DAB1: variants seen among roughly 807,000 people sequenced by gnomAD.
DAB1 encodes disabled homolog 1.
DAB1 carries 15 observed loss-of-function variants against 64.6 expected under a neutral mutation model. The observed-to-expected ratio is 0.23, with a 90% CI of 0.16 to 0.36. The LOEUF is 0.36. DAB1 is among the 10% of genes least tolerant of loss of function. DAB1 has a pLI of 1.00. For synonymous variants in DAB1, 235 were observed against 251.9 expected (o/e 0.93, Z 0.64); for missense variants, 596 against 706.7 (o/e 0.84, Z 1.78).
intron 4 of DAB1, among the ~76,000 whole-genome samples, chr1:58,247,296 A>C (rs1232046411): frequency 6.8e-6 from 1 of 147,844 alleles, no homozygotes; most frequent in African/African-American, 2.5e-5. Context: ...TAAATAATAC[A>C]TGACTGTAGA....
intron 1 of DAB1, among the ~76,000 whole-genome samples, chr1:57,367,693 G>A (rs569653215): frequency 2.2e-4 from 33 of 152,288 alleles, no homozygotes; most frequent in South Asian, 8.3e-4. Context: ...TCCACACTCC[G>A]TGGAGCTGGC....
At position 58,020,270 on chromosome 1, in the gene DAB1, T is replaced by C. The variant is rs1320494974; in HGVS notation, n.387+130241A>G. Among the ~76,000 whole-genome samples the C allele has an allele frequency of 3.3e-5, 5 of 152,302 alleles. No homozygotes were observed. The East Asian group carries it at 5.8e-4, about 18-fold the overall frequency. On this transcript the variant is annotated intron_variant and non_coding_transcript_variant, in intron 5 of 20. Transcript: ENST00000485760. ...AGCTCTCTTCTTTTTACTTCATGTGTTCAAGGAAGTGCTTAAATACCTGAA... is the reference window on the plus strand; with the variant it reads ...AGCTCTCTTCTTTTTACTTCATGTGCTCAAGGAAGTGCTTAAATACCTGAA...
intron 1 of DAB1, among the ~76,000 whole-genome samples, chr1:57,423,684 TG>T (rs1685108351): frequency 1.3e-5 from 2 of 151,252 alleles, no homozygotes; most frequent in South Asian, 4.2e-4. Flanking sequence ...GGCGCGGGGA[TG>T]GGGGGCAGGA....
intron 3 of DAB1, among the ~76,000 whole-genome samples, chr1:58,440,661 G>C (rs1381987962): frequency 1.3e-5 from 2 of 152,186 alleles, no homozygotes; most frequent in Non-Finnish European, 2.9e-5. Context: ...CAGACACATA[G>C]CTAATATTTG....
intron 1 of DAB1, among the ~76,000 whole-genome samples, chr1:57,341,950 T>G (rs759178369): frequency 6.6e-6 from 1 of 152,234 alleles, no homozygotes; most frequent in Non-Finnish European, 1.5e-5. Context: ...ATTGCCAACA[T>G]TGTCTGGTAC....
At chr1:57,391,812 C>CACAGAG (rs1553176656) in intron 1 of DAB1, among the ~76,000 whole-genome samples, 8 of 141,686 alleles carry the variant, frequency 5.6e-5, no homozygotes, top group African/African-American at 2.1e-4. Flanking sequence ...CACACACACA[C>CACAGAG]AGAGAGAGGA....
At chr1:57,892,693 C>T (rs547639546) in intron 5 of DAB1, among the ~76,000 whole-genome samples, 2 of 152,294 alleles carry the variant, frequency 1.3e-5, no homozygotes, top group East Asian at 1.9e-4. Flanking sequence ...TATTCTAACA[C>T]GTACAATACA....
chr1:57,157,976 G>A (rs987785666), intron 2 of DAB1, among the ~76,000 whole-genome samples: 1 of 152,182 alleles, frequency 6.6e-6, no homozygotes, highest in Non-Finnish European at 1.5e-5. Context: ...GCTAAGGAGG[G>A]CGTAGCTGCC....
At chr1:57,906,937 CAGATAGATAGATAGAT>C (rs5774378) in intron 5 of DAB1, among the ~76,000 whole-genome samples, 4,422 of 146,832 alleles carry the variant, frequency 0.03, 196 homozygotes, top group African/African-American at 0.1. Flanking sequence ...ATATAATATG[CAGATAGATAGATAGAT>C]AGATAGATAG....
Position 58,212,803 on chromosome 1 carries a change from C to A in DAB1, n.310-62215G>T, listed in dbSNP as rs181077659. Among the ~76,000 whole-genome samples the A allele has an allele frequency of 1.2e-4, 19 of 152,214 alleles. No individual in the cohort carries two copies. The East Asian group carries it at 3.7e-3, about 29-fold the overall frequency. ...AGGGTACATTTTATTGGAATGATTT[C>A]TAATTTCCTCTGATTCAAGTTCCAT... is the stretch of plus-strand genomic sequence containing the variant. On this transcript the variant is annotated intron_variant and non_coding_transcript_variant, in intron 4 of 20. Transcript: ENST00000485760.
In DAB1 at chr1:57,291,104, G is replaced by T; in HGVS notation, c.-74C>A. The T allele has an allele frequency of 1.1e-6, 1 of 923,472 alleles. No individual in the cohort carries two copies. The highest frequency in any genetic ancestry group is 1.7e-6 in the Non-Finnish European group (1 of 594,534). The allele number at this position is 923,472 out of a possible 1,614,324, so 57.2% of individuals were successfully genotyped here. On this transcript the variant is annotated 5_prime_UTR_variant, in exon 2 of 15. Coordinates refer to ENST00000371236, the MANE Select transcript of DAB1 (RefSeq NM_001365792.1). ...GCTCATTGAGGACTCTTCTCCAAGA[G>T]AAAGACTCCTCCCTTCAGAAATGAC...
At chr1:58,461,990 C>T (rs1485817859) in intron 3 of DAB1, among the ~76,000 whole-genome samples, 1 of 152,104 alleles carries the variant, frequency 6.6e-6, no homozygotes, top group African/African-American at 2.4e-5. Context: ...AGTCTGGGTG[C>T]TATTCCATCT....
chr1:58,003,722 G>A (rs1646539851), intron 5 of DAB1, among the ~76,000 whole-genome samples: 1 of 152,186 alleles, frequency 6.6e-6, no homozygotes, highest in Non-Finnish European at 1.5e-5. Flanking sequence ...CCCGGGCAAG[G>A]TGGCCTTGTG....
At chr1:57,900,457 T>G (rs1024298371) in intron 5 of DAB1, among the ~76,000 whole-genome samples, 1 of 152,226 alleles carries the variant, frequency 6.6e-6, no homozygotes, top group Non-Finnish European at 1.5e-5. Flanking sequence ...TGTTCTAGGA[T>G]GCCAGTCAGT....
chr1:57,845,197 G>A (rs887126418), intron 1 of DAB1, among the ~76,000 whole-genome samples: 8 of 152,154 alleles, frequency 5.3e-5, no homozygotes, highest in African/African-American at 1.7e-4. Context: ...CTGTGCGAGG[G>A]AGGAAGTGTC....
rs189116891 is a variant in DAB1, at chr1:57,767,509, A to T, written n.551+116490T>A. On this transcript the variant is annotated intron_variant and non_coding_transcript_variant, in intron 6 of 20. Transcript: ENST00000485760. ...CCTCTGTACTCTCACTATGTCTCTT[A>T]TCTCTACAGTGGTTATCATGATTGG... Among the ~76,000 whole-genome samples the T allele has an allele frequency of 2.0e-3, 301 of 152,278 alleles. 1 individual carries two copies. The highest frequency in any genetic ancestry group is 4.1e-3 in the Admixed American group (63 of 15,280).
rs869201141 is a variant in DAB1 at position 57,984,260 on chromosome 1, G to GA, written n.388-100099dup. Among the ~76,000 whole-genome samples, 11 of 134,068 alleles carry GA rather than the reference G, an allele frequency of 8.2e-5. 1 individual carries two copies. The highest frequency in any genetic ancestry group is 1.5e-4 in the Non-Finnish European group (9 of 61,486). 88.0% of individuals were successfully genotyped at this position (134,068 alleles called of 152,430 possible). ...AGAAAGAAAGAAAGAAAGAAAGAAA[G>GA]AAAAAAAATTAAACAGCCAAACCCA... On this transcript the variant is annotated intron_variant and non_coding_transcript_variant, in intron 5 of 20. Coordinates refer to the DAB1 transcript ENST00000485760.
At chr1:58,404,385 G>A (rs1004157437) in intron 3 of DAB1, among the ~76,000 whole-genome samples, 1 of 152,206 alleles carries the variant, frequency 6.6e-6, no homozygotes, top group Non-Finnish European at 1.5e-5. Context: ...AAGTAGACAG[G>A]CTGCGCCATT....
intron 4 of DAB1, among the ~76,000 whole-genome samples, chr1:58,301,494 A>T (rs1057432982): frequency 2.0e-5 from 3 of 150,140 alleles, no homozygotes; most frequent in Non-Finnish European, 4.5e-5. Flanking sequence ...TATTTTGCGA[A>T]TTTTTTTTTT....
Sources: allele counts gnomAD v4.1 joint callset (sites outside exome capture counted in the v4.1 genomes callset), GRCh38; gene constraint gnomAD v4.1.1; transcripts MANE v1.5; gene names NCBI Gene and HGNC (gene_info 2026-07-23, HGNC 2026-07-21).